Variants in MTHFD2 observed in about 807,000 individuals in gnomAD.
MTHFD2 encodes bifunctional methylenetetrahydrofolate dehydrogenase/cyclohydrolase, mitochondrial.
A neutral mutation model predicts 36.8 loss-of-function variants in MTHFD2; 26 were observed. The ratio of observed to expected loss-of-function variants is 0.71; its 90% CI spans 0.52 to 0.98. MTHFD2 has a LOEUF of 0.98. MTHFD2 is among the 50% of genes least tolerant of loss of function. The pLI is 0.00. For synonymous variants in MTHFD2, 164 were observed against 155.2 expected (o/e 1.06, Z -0.42); for missense variants, 373 against 434.0 (o/e 0.86, Z 1.25).
At chr2:74,198,814 C>G in intron 1 of MTHFD2, 72 bp downstream of exon 1, 1 of 1,300,518 alleles carries the variant, frequency 7.7e-7, no homozygotes, top group Non-Finnish European at 1.0e-6. Flanking sequence ...CGCCGGGCCC[C>G]CGAGGGACAC....
chr2:74,202,728 A>G (rs553107595), intron 1 of MTHFD2, among the ~76,000 whole-genome samples: 2 of 151,988 alleles, frequency 1.3e-5, no homozygotes, highest in South Asian at 2.1e-4. Context: ...GGGTTTCACC[A>G]TATGAGCCAG....
chr2:74,203,871 G>T (rs991744497), intron 1 of MTHFD2, among the ~76,000 whole-genome samples: 3 of 42,818 alleles, frequency 7.0e-5, no homozygotes, highest in Admixed American at 2.5e-4. Context: ...GTTTAGTTTA[G>T]TTTAGTTTAG....
In MTHFD2 at chr2:74,215,961, G is replaced by A. The variant is rs1694433692; in HGVS notation, c.*1719G>A. 1 of 152,256 alleles carries A rather than the reference G, an allele frequency of 6.6e-6. No homozygotes were observed. The highest frequency in any genetic ancestry group is 1.5e-5 in the Non-Finnish European group (1 of 68,086). The allele number at this position is 152,256 out of a possible 1,614,324, so 9.4% of individuals were successfully genotyped here. ...TTGTGCCAAGCTAGGAGCTTAATCT[G>A]TAAAATACTTGAGGCAGGGATAGGT... On this transcript the variant is annotated 3_prime_UTR_variant, in exon 8 of 8. Transcript: ENST00000394053.
At chr2:74,208,093 A>T (rs1290345779) in intron 3 of MTHFD2, among the ~76,000 whole-genome samples, 1 of 152,114 alleles carries the variant, frequency 6.6e-6, no homozygotes, top group Non-Finnish European at 1.5e-5. Context: ...TTTTTCCTAG[A>T]AATGAAAGTC....
rs113105768 is a variant in MTHFD2, at chr2:74,211,305, G to A, written c.763+14G>A. On this transcript the variant is annotated intron_variant, in intron 6 of 7. Transcript: ENST00000394053. ...TATCTGCTGCAGGTAAGAACACAAG[G>A]GGGATGGAGGGAAGGACTTCACCTC... is the stretch of plus-strand genomic sequence containing the variant. 2.4e-5 allele frequency: 37 copies of A among 1,533,354 alleles called. No homozygotes were observed. Among genetic ancestry groups the A allele is most frequent in the African/African-American group, 1.2e-4 (9 of 73,194 alleles). The allele number at this position is 1,533,354 out of a possible 1,614,324, so 95.0% of individuals were successfully genotyped here. A position where few individuals can be genotyped will look rare whatever the true frequency, so the allele number is the denominator to read the frequency against.
chr2:74,214,401 C>T lies in MTHFD2; in HGVS notation c.*159C>T. 2.8e-6 allele frequency: 2 copies of T among 711,710 alleles called. No homozygotes were observed. Among genetic ancestry groups the T allele is most frequent in the Non-Finnish European group, 4.4e-6 (2 of 454,674 alleles). The allele number at this position is 711,710 out of a possible 1,614,324, so 44.1% of individuals were successfully genotyped here. The stretch of plus-strand genomic sequence containing the variant: ...AAATGGGTGGGTGTTTCTGCACATA[C>T]CTCTGCAGTACCTCACCAGGGAGCA... On this transcript the variant is annotated 3_prime_UTR_variant, in exon 8 of 8. Coordinates refer to ENST00000394053, the MANE Select transcript of MTHFD2 (RefSeq NM_006636.4).
At chr2:74,209,437 C>G (rs998008405) in intron 4 of MTHFD2, among the ~76,000 whole-genome samples, 3 of 151,788 alleles carry the variant, frequency 2.0e-5, no homozygotes, top group East Asian at 1.9e-4. Flanking sequence ...ATTTTTAGTA[C>G]AGACGGGGTT....
rs1265273498 is a variant in MTHFD2 at position 74,217,041 on chromosome 2, A to C, written c.*2799A>C. On this transcript the variant is annotated 3_prime_UTR_variant, in exon 8 of 8. Transcript: ENST00000394053. ...GGAGCTCTGAGATTAAATGTAATCA[A>C]ACACTTATTGAGAGCTTTCTATGGA... 6.6e-6 allele frequency: 1 copy of C among 151,782 alleles called. No homozygotes were observed. Among genetic ancestry groups the C allele is most frequent in the Non-Finnish European group, 1.5e-5 (1 of 68,028 alleles). The allele number at this position is 151,782 out of a possible 1,614,324, so 9.4% of individuals were successfully genotyped here.
At position 74,211,748 on chromosome 2, in the gene MTHFD2, A is replaced by C; in HGVS notation, c.771A>C (p.Pro257=). 6.2e-7 allele frequency: 1 copy of C among 1,606,842 alleles called. No homozygotes were observed. The highest frequency in any genetic ancestry group is 8.5e-7 in the Non-Finnish European group (1 of 1,176,780). The change falls in exon 7 of 8, where the codon CCA becomes CCC. Residue 257 remains proline (P), a synonymous_variant. Coordinates refer to ENST00000394053, the MANE Select transcript of MTHFD2 (RefSeq NM_006636.4). ...ADIVISAAGI[P]NLITADMIKE... ...TCCTTTCTCCATTTCCAGGTATTCC[A>C]AATCTGATCACAGCAGATATGATCA...
intron 1 of MTHFD2, among the ~76,000 whole-genome samples, chr2:74,200,276 T>G (rs1441510510): frequency 7.2e-5 from 11 of 152,196 alleles, no homozygotes; most frequent in Non-Finnish European, 1.6e-4. Context: ...AAGAGATTTA[T>G]AAAGATGCTC....
chr2:74,200,663 AG>A (rs1399072463), intron 1 of MTHFD2, among the ~76,000 whole-genome samples: 1 of 152,114 alleles, frequency 6.6e-6, no homozygotes, highest in African/African-American at 2.4e-5. Flanking sequence ...TAGAGGCAGA[AG>A]TTTGCCTTTG....
At chr2:74,212,062 G>C (rs1227008344) in intron 7 of MTHFD2, among the ~76,000 whole-genome samples, 196 bp downstream of exon 7, 2 of 141,880 alleles carry the variant, frequency 1.4e-5, no homozygotes, top group Non-Finnish European at 3.0e-5. Flanking sequence ...CTATTCTTCT[G>C]CCTCAGCCTC....
At chr2:74,199,266 C>T (rs949886900) in intron 1 of MTHFD2, among the ~76,000 whole-genome samples, 4 of 152,200 alleles carry the variant, frequency 2.6e-5, no homozygotes, top group Non-Finnish European at 4.4e-5. Flanking sequence ...CCTCCTCCCT[C>T]CGCCGGTGGG....
intron 5 of MTHFD2, among the ~76,000 whole-genome samples, chr2:74,210,399 C>T (rs557240586): frequency 6.6e-6 from 1 of 152,234 alleles, no homozygotes; most frequent in South Asian, 2.1e-4. Context: ...AATCTTTAGC[C>T]GTTGCAAAGG....
chr2:74,207,265 A>C, intron 2 of MTHFD2, among the ~76,000 whole-genome samples: 1 of 152,144 alleles, frequency 6.6e-6, no homozygotes. Context: ...AGTAGCTGGG[A>C]CTACAGGCGC....
intron 6 of MTHFD2, 66 bp downstream of exon 6, chr2:74,211,357 T>TCTGAGGGAAGGACTTCACCTC: frequency 9.7e-7 from 1 of 1,027,732 alleles, no homozygotes; most frequent in Non-Finnish European, 1.5e-6. Context: ...CCCCTCATCT[T>TCTGAGGGAAGGACTTCACCTC]AGAATTCGCC....
At chr2:74,198,821 AC>A (rs1363453527) in intron 1 of MTHFD2, 79 bp downstream of exon 1, 3 of 1,300,970 alleles carry the variant, frequency 2.3e-6, no homozygotes, top group African/African-American at 1.5e-5. Flanking sequence ...CCCCCGAGGG[AC>A]ACCGAGGGAA....
chr2:74,213,946 A>T, intron 7 of MTHFD2, 133 bp from the exon 8 acceptor site: 1 of 896,230 alleles, frequency 1.1e-6, no homozygotes. Flanking sequence ...ACCTTGAATG[A>T]TGTAGATGTG....
At chr2:74,205,126 ATTGT>A (rs1328416031) in intron 1 of MTHFD2, among the ~76,000 whole-genome samples, 1 of 152,010 alleles carries the variant, frequency 6.6e-6, no homozygotes, top group Non-Finnish European at 1.5e-5. Context: ...CCCGGCCTAT[ATTGT>A]TTGTTTATTC....
Sources: allele counts gnomAD v4.1 joint callset (sites outside exome capture counted in the v4.1 genomes callset), GRCh38; gene constraint gnomAD v4.1.1; transcripts MANE v1.5; gene names NCBI Gene and HGNC (gene_info 2026-07-23, HGNC 2026-07-21).